The following EFCAB8 variants were observed in gnomAD, a reference collection of about 807,000 sequenced individuals.
EFCAB8 encodes EF-hand calcium binding domain 8.
In EFCAB8, 100 loss-of-function variants were observed where a neutral mutation model predicts 116.3. The observed-to-expected ratio is 0.86, with a 90% CI of 0.73 to 1.02. EFCAB8 has a LOEUF of 1.02. Among genes scored for constraint, EFCAB8 ranks in the 50% least tolerant of loss-of-function variants. The probability of loss-of-function intolerance (pLI) is 0.00; values close to 1 mark genes in which losing one functional copy is unlikely to be tolerated. For synonymous variants in EFCAB8, 558 were observed against 567.9 expected (o/e 0.98, Z 0.25); for missense variants, 1,320 against 1,416.9 (o/e 0.93, Z 1.10).
intron 12 of EFCAB8, 40 bp from the exon 13 acceptor site, chr20:32,906,803 G>A: frequency 9.7e-7 from 1 of 1,034,758 alleles, no homozygotes; most frequent in Non-Finnish European, 1.5e-6. Flanking sequence ...AAGGTCCCCA[G>A]TGGAGGCCCC....
intron 23 of EFCAB8, among the ~76,000 whole-genome samples, chr20:32,957,237 G>A (rs1465097215): frequency 2.0e-5 from 3 of 151,390 alleles, no homozygotes; most frequent in Non-Finnish European, 4.4e-5. Context: ...ATCTTCTGGA[G>A]GGCCCACTTC....
chr20:32,930,318 T>A, intron 20 of EFCAB8, 80 bp from the exon 21 acceptor site: 1 of 1,214,186 alleles, frequency 8.2e-7, no homozygotes, highest in South Asian at 1.4e-5. Context: ...CAGGTGGGTG[T>A]GGTGACTTGC....
intron 4 of EFCAB8, 118 bp from the exon 5 acceptor site, chr20:32,878,586 C>T (rs1391254561): frequency 2.6e-5 from 17 of 653,756 alleles, no homozygotes; most frequent in Middle Eastern, 3.1e-4. Context: ...GGCGCAATCT[C>T]GGCTCACTGC....
At chr20:32,866,902 CTCTT>C (rs1228764472) in intron 2 of EFCAB8, among the ~76,000 whole-genome samples, 15 of 144,874 alleles carry the variant, frequency 1.0e-4, no homozygotes, top group East Asian at 2.1e-4. Flanking sequence ...TTCTCTCTCT[CTCTT>C]TCTTTCTTTC....
chr20:32,927,063 G>A (rs1987702587), intron 20 of EFCAB8, among the ~76,000 whole-genome samples: 1 of 152,002 alleles, frequency 6.6e-6, no homozygotes, highest in Admixed American at 6.6e-5. Flanking sequence ...GACCTATCTA[G>A]GTTTTTTGGA....
At chr20:32,950,094 C>T (rs111933921) in intron 23 of EFCAB8, among the ~76,000 whole-genome samples, 45 of 152,268 alleles carry the variant, frequency 3.0e-4, no homozygotes, top group Middle Eastern at 3.4e-3. Flanking sequence ...CAGAAGAAAT[C>T]GTAGGAGAAA....
intron 14 of EFCAB8, among the ~76,000 whole-genome samples, chr20:32,908,646 C>A (rs548541794): frequency 2.6e-5 from 4 of 152,238 alleles, no homozygotes; most frequent in African/African-American, 4.8e-5. Context: ...TGCACTGTCC[C>A]CACTCAGGCG....
At chr20:32,930,713 C>CAGAG in intron 21 of EFCAB8, 97 bp downstream of exon 21, 1 of 1,157,396 alleles carries the variant, frequency 8.6e-7, no homozygotes, top group Non-Finnish European at 1.2e-6. Flanking sequence ...CCTACTCTGT[C>CAGAG]TGGGTACTGG....
At chr20:32,886,253 T>C (rs1393549241) in intron 6 of EFCAB8, among the ~76,000 whole-genome samples, 1 of 152,246 alleles carries the variant, frequency 6.6e-6, no homozygotes, top group African/African-American at 2.4e-5. Flanking sequence ...AATACATGTG[T>C]AGTGCTTGGG....
At chr20:32,944,126 G>A (rs894448679) in intron 23 of EFCAB8, among the ~76,000 whole-genome samples, 1 of 152,178 alleles carries the variant, frequency 6.6e-6, no homozygotes, top group Admixed American at 6.5e-5. Flanking sequence ...GAAGGGTTCA[G>A]CTTGGTGAAT....
At chr20:32,876,797 T>C (rs1182547894) in intron 4 of EFCAB8, among the ~76,000 whole-genome samples, 1 of 152,052 alleles carries the variant, frequency 6.6e-6, no homozygotes, top group Non-Finnish European at 1.5e-5. Flanking sequence ...TAAAACCCTG[T>C]CTCTACAAAA....
chr20:32,893,110 G>C, intron 8 of EFCAB8, 64 bp from the exon 9 acceptor site: 9 of 1,543,944 alleles, frequency 5.8e-6, no homozygotes, highest in Non-Finnish European at 7.9e-6. Flanking sequence ...CAGAGTGCTG[G>C]TCTTACAGGT....
intron 23 of EFCAB8, among the ~76,000 whole-genome samples, chr20:32,949,166 A>C (rs1268686223): frequency 6.6e-6 from 1 of 152,232 alleles, no homozygotes; most frequent in East Asian, 1.9e-4. Flanking sequence ...TTGTATTTCT[A>C]TATACTAGCA....
At chr20:32,954,939 C>T (rs1263449132) in intron 23 of EFCAB8, among the ~76,000 whole-genome samples, 1 of 152,138 alleles carries the variant, frequency 6.6e-6, no homozygotes, top group Non-Finnish European at 1.5e-5. Context: ...CTATTTTACT[C>T]TTAATGGAAC....
chr20:32,867,283 C>G (rs763315864), intron 2 of EFCAB8, among the ~76,000 whole-genome samples: 14 of 152,182 alleles, frequency 9.2e-5, no homozygotes, highest in Non-Finnish European at 1.8e-4. Context: ...ACTGAGGTCC[C>G]TTATAAATGA....
chr20:32,916,424 AT>A (rs1987190098), intron 17 of EFCAB8, among the ~76,000 whole-genome samples: 1 of 152,124 alleles, frequency 6.6e-6, no homozygotes, highest in Non-Finnish European at 1.5e-5. Context: ...TGCCTGGCTA[AT>A]TAAAATTTTT....
At chr20:32,935,119 T>G (rs1988051730) in intron 22 of EFCAB8, among the ~76,000 whole-genome samples, 1 of 151,872 alleles carries the variant, frequency 6.6e-6, no homozygotes, top group African/African-American at 2.4e-5. Context: ...TTTGAATGTC[T>G]TCTTTTGAGA....
chr20:32,923,206 C>T (rs140110099), intron 20 of EFCAB8, among the ~76,000 whole-genome samples: 23 of 151,828 alleles, frequency 1.5e-4, no homozygotes, highest in Middle Eastern at 3.4e-3. Flanking sequence ...ACAAACCTGG[C>T]CCAGTGCGAT....
rs1360836594 is a variant in EFCAB8 at position 32,878,776 on chromosome 20, C to A, written c.400C>A (p.His134Asn). 57 of 1,552,196 alleles carry A rather than the reference C, an allele frequency of 3.7e-5. No individual in the cohort carries two copies. Among genetic ancestry groups the A allele is most frequent in the Non-Finnish European group, 4.8e-5 (55 of 1,147,112 alleles). ...EDMRKSQYRL[H>N]FYLPMTVVPL... ...CATGCGAAAGAGCCAGTACCGCCTG[C>A]ACTTCTACCTTCCCATGACGGTCGT... The change falls in exon 5 of 27, where the codon CAC (histidine) becomes AAC (asparagine). Residue 134 changes from histidine to asparagine, a missense_variant. Transcript: ENST00000400522.
Sources: allele counts gnomAD v4.1 joint callset (sites outside exome capture counted in the v4.1 genomes callset), GRCh38; gene constraint gnomAD v4.1.1; transcripts MANE v1.5; gene names NCBI Gene and HGNC (gene_info 2026-07-23, HGNC 2026-07-21).